Variants in ZNF157 observed in about 807,000 individuals in gnomAD.
ZNF157 encodes zinc finger protein 157.
Under a neutral mutation model 9.4 loss-of-function variants are expected in ZNF157, and 8 were observed. The ratio of observed to expected loss-of-function variants is 0.85; its 90% CI spans 0.50 to 1.53. The LOEUF (loss-of-function observed/expected upper bound fraction) is 1.53. Ranked by LOEUF, ZNF157 falls within the 40% of genes most tolerant of loss-of-function variation. ZNF157 has a pLI of 0.00. For synonymous variants in ZNF157, 120 were observed against 130.8 expected (o/e 0.92, Z 0.56); for missense variants, 316 against 385.2 (o/e 0.82, Z 1.50).
intron 1 of ZNF157, among the ~76,000 whole-genome samples, chrX:47,381,751 A>T (rs188712340): frequency 8.9e-6 from 1 of 111,771 alleles, no homozygotes; most frequent in South Asian, 3.7e-4. Flanking sequence ...CAGGACCCAC[A>T]GCTCATAGTG....
Position 47,412,601 on chromosome X carries a change from C to T in ZNF157, c.528C>T (p.Asn176=), listed in dbSNP as rs1431635226. The stretch of plus-strand genomic sequence containing the variant: ...GGAAAGCTTACTGTAGGAAGTCAAA[C>T]CTTGTTGAACATCTGAGAATACACA... ...ECGKAYCRKS[N]LVEHLRIHTG... is the part of the protein sequence containing the mutation. Residue 176 remains asparagine (N), a synonymous_variant, in exon 4 of 4, where the codon AAC becomes AAT. Transcript: ENST00000377073. 8.3e-7 allele frequency: 1 copy of T among 1,210,612 alleles called. No homozygotes were observed. The highest frequency in any genetic ancestry group is 1.7e-5 in the African/African-American group (1 of 57,389).
At chrX:47,373,864 A>AAT (rs1556816453) in intron 1 of ZNF157, among the ~76,000 whole-genome samples, 2 of 99,061 alleles carry the variant, frequency 2.0e-5, no homozygotes, top group African/African-American at 3.7e-5. Flanking sequence ...ATTAAAAAAA[A>AAT]TTTTTTTTTT....
At chrX:47,374,898 A>G (rs935178961) in intron 1 of ZNF157, among the ~76,000 whole-genome samples, 15 of 99,539 alleles carry the variant, frequency 1.5e-4, no homozygotes, top group Non-Finnish European at 3.0e-4. Context: ...TTTAGTAGAC[A>G]TGGGGTTTCA....
chrX:47,401,075 C>G (rs887482085), intron 1 of ZNF157, among the ~76,000 whole-genome samples: 1 of 112,125 alleles, frequency 8.9e-6, no homozygotes, highest in African/African-American at 3.2e-5. Flanking sequence ...TTGCAATCCT[C>G]CAGTAGCATG....
Position 47,413,789 on chromosome X carries a change from G to T in ZNF157, c.*195G>T, listed in dbSNP as rs2055974810. 2 of 643,223 alleles carry T rather than the reference G, an allele frequency of 3.1e-6. No homozygotes were observed. The highest frequency in any genetic ancestry group is 5.0e-5 in the Admixed American group (1 of 20,145). 53.0% of individuals were successfully genotyped at this position (643,223 alleles called of 1,213,427 possible). A position where few individuals can be genotyped will look rare whatever the true frequency, so the allele number is the denominator to read the frequency against. ...TCTTATCTGTTGATTGGCTATTTGG[G>T]TTTTTTCTTCTGTGCATTGACTGTT... On this transcript the variant is annotated 3_prime_UTR_variant, in exon 4 of 4. Coordinates refer to ENST00000377073, the MANE Select transcript of ZNF157 (RefSeq NM_003446.4).
At chrX:47,410,129 C>T in intron 1 of ZNF157, 147 bp from the exon 2 acceptor site, 1 of 808,915 alleles carries the variant, frequency 1.2e-6, no homozygotes, top group Admixed American at 2.5e-5. Flanking sequence ...GTACCCCCCA[C>T]CCCAAAAGTA....
chrX:47,412,964 A>T lies in ZNF157; in HGVS notation c.891A>T (p.Thr297=). Residue 297 remains threonine (T), a synonymous_variant, in exon 4 of 4, where the codon ACA becomes ACT. Coordinates refer to ENST00000377073, the MANE Select transcript of ZNF157 (RefSeq NM_003446.4). ...TTACCCAACACCACAGAACTCATAC[A>T]GGGGAGAAACCTTATGAATGTGGGG... is the stretch of plus-strand genomic sequence containing the variant. ...ISLTQHHRTH[T]GEKPYECGEC... is the part of the protein sequence containing the mutation. 1 of 1,211,326 alleles carries T rather than the reference A, an allele frequency of 8.3e-7. No homozygotes were observed. Among genetic ancestry groups the T allele is most frequent in the Non-Finnish European group, 1.1e-6 (1 of 895,081 alleles).
chrX:47,408,123 A>T (rs1252384648), intron 1 of ZNF157, among the ~76,000 whole-genome samples: 1 of 108,342 alleles, frequency 9.2e-6, no homozygotes, highest in Non-Finnish European at 1.9e-5. Flanking sequence ...TTTTTTTTAG[A>T]CGGAGTTTCA....
chrX:47,372,133 T>G (rs2055830736), intron 1 of ZNF157, among the ~76,000 whole-genome samples: 1 of 111,132 alleles, frequency 9.0e-6, no homozygotes, highest in Admixed American at 9.7e-5. Context: ...AGTACTAAAG[T>G]GTCTTTTTGT....
intron 1 of ZNF157, among the ~76,000 whole-genome samples, chrX:47,381,318 G>T (rs774679186): frequency 1.8e-5 from 2 of 110,722 alleles, no homozygotes; most frequent in Non-Finnish European, 1.9e-5. Context: ...TGGGGTTTGA[G>T]GGGGGGTGCT....
chrX:47,394,155 G>A (rs1360193559), intron 1 of ZNF157, among the ~76,000 whole-genome samples: 1 of 110,007 alleles, frequency 9.1e-6, no homozygotes, highest in Non-Finnish European at 1.9e-5. Flanking sequence ...GTAGAGACAG[G>A]GTTTCACTGT....
At chrX:47,410,981 C>A (rs1005052130) in intron 3 of ZNF157, among the ~76,000 whole-genome samples, 1 of 107,823 alleles carries the variant, frequency 9.3e-6, no homozygotes, top group African/African-American at 3.6e-5. Flanking sequence ...GTGCTTTCTC[C>A]GGTTTTATCT....
chrX:47,400,186 G>A (rs1018666735), intron 1 of ZNF157, among the ~76,000 whole-genome samples: 15 of 109,566 alleles, frequency 1.4e-4, no homozygotes, highest in African/African-American at 4.3e-4. Context: ...TAGTAGAGAC[G>A]GTGTTTCATC....
intron 1 of ZNF157, among the ~76,000 whole-genome samples, chrX:47,388,448 A>G (rs1483370394): frequency 1.9e-4 from 21 of 107,714 alleles, no homozygotes; most frequent in Admixed American, 8.1e-4. Context: ...AATAGCTGGG[A>G]CCACAGGCGC....
At chrX:47,392,699 T>C (rs754998467) in intron 1 of ZNF157, among the ~76,000 whole-genome samples, 8 of 112,069 alleles carry the variant, frequency 7.1e-5, no homozygotes, top group Non-Finnish European at 1.5e-4. Flanking sequence ...TCTGTGAAAC[T>C]GGAAAACAAG....
intron 1 of ZNF157, among the ~76,000 whole-genome samples, chrX:47,376,729 C>A (rs1397115884): frequency 1.8e-5 from 2 of 111,828 alleles, no homozygotes; most frequent in Non-Finnish European, 1.9e-5. Flanking sequence ...AATGAAACCA[C>A]CATTGCAAAA....
Position 47,413,385 on chromosome X carries a change from G to A in ZNF157, c.1312G>A (p.Gly438Arg), listed in dbSNP as rs754171951. The A allele has an allele frequency of 3.3e-6, 4 of 1,211,867 alleles. No homozygotes were observed. The highest frequency in any genetic ancestry group is 4.5e-6 in the Non-Finnish European group (4 of 895,496). ...TTGTCAACACCGGAGAACTCACACAGGAGAGAAACCTTATGAATGTAGTGA... is the reference window on the plus strand; with the variant it reads ...TTGTCAACACCGGAGAACTCACACAAGAGAGAAACCTTATGAATGTAGTGA... ...SLCQHRRTHT[G>R]EKPYECSECG... The change falls in exon 4 of 4, where the codon GGA (glycine) becomes AGA (arginine). Residue 438 changes from glycine (G) to arginine (R), a missense_variant. Around this residue, in one of 3 missense-constraint regions of ZNF157, gnomAD observed 167 missense variants for 183.6 expected, o/e 0.91. Transcript: ENST00000377073.
At chrX:47,410,995 T>A (rs2055963003) in intron 3 of ZNF157, among the ~76,000 whole-genome samples, 1 of 88,385 alleles carries the variant, frequency 1.1e-5, no homozygotes, top group African/African-American at 6.4e-5. Context: ...TTTATCTTGA[T>A]TTTTTTTTTT....
In ZNF157 at chrX:47,413,627, G is replaced by A. The variant is rs746637892; in HGVS notation, c.*33G>A. 2.6e-4 allele frequency: 295 copies of A among 1,154,771 alleles called. No homozygotes were observed. Among genetic ancestry groups the A allele is most frequent in the Non-Finnish European group, 3.0e-4 (265 of 869,960 alleles). ...CCTCACCATTGGATCAAGCTCCTTG[G>A]GGGCATATGATCACCAGGGCACACA... is the stretch of plus-strand genomic sequence containing the variant. On this transcript the variant is annotated 3_prime_UTR_variant, in exon 4 of 4. Transcript: ENST00000377073.
Sources: allele counts gnomAD v4.1 joint callset (sites outside exome capture counted in the v4.1 genomes callset), GRCh38; gene constraint gnomAD v4.1.1; regional missense constraint gnomAD v4.1.1; transcripts MANE v1.5; gene names NCBI Gene and HGNC (gene_info 2026-07-23, HGNC 2026-07-21).